FMNL3: variants seen among roughly 807,000 people sequenced by gnomAD.
FMNL3 encodes formin like 3.
In FMNL3, 57 loss-of-function variants were observed where a neutral mutation model predicts 119.6. The ratio of observed to expected loss-of-function variants is 0.48; its 90% CI spans 0.39 to 0.59. The LOEUF is 0.59. FMNL3 is among the 20% of genes least tolerant of loss of function. The pLI is 0.00. For synonymous variants in FMNL3, 491 were observed against 507.3 expected (o/e 0.97, Z 0.43); for missense variants, 1,053 against 1,323.5 (o/e 0.80, Z 3.17).
Position 49,640,210 on chromosome 12 carries a change from G to A in FMNL3, c.*5605C>T, listed in dbSNP as rs971955805. 6.6e-6 allele frequency: 1 copy of A among 152,336 alleles called. No homozygotes were observed. The highest frequency in any genetic ancestry group is 2.4e-5 in the African/African-American group (1 of 41,572). The allele number at this position is 152,336 out of a possible 1,614,324, so 9.4% of individuals were successfully genotyped here. ...GGACTTAGAACAGGCAGACAGATCCGGGTCAGGGAGATCCATGGAGGATGC... is the reference window on the plus strand; with the variant it reads ...GGACTTAGAACAGGCAGACAGATCCAGGTCAGGGAGATCCATGGAGGATGC... On this transcript the variant is annotated 3_prime_UTR_variant, in exon 26 of 26. Coordinates refer to ENST00000335154, the MANE Select transcript of FMNL3 (RefSeq NM_175736.5).
At chr12:49,681,402 G>A (rs746530692) in intron 1 of FMNL3, among the ~76,000 whole-genome samples, 4 of 152,078 alleles carry the variant, frequency 2.6e-5, no homozygotes, top group Non-Finnish European at 2.9e-5. Context: ...AAGGTTTCAC[G>A]GTGGTCTTGA....
chr12:49,665,228 G>GA (rs201793585), intron 4 of FMNL3, among the ~76,000 whole-genome samples: 3,289 of 137,828 alleles, frequency 0.024, 116 homozygotes, highest in African/African-American at 0.08. Flanking sequence ...TCAGGGACTG[G>GA]AAAAAAAAAA....
In FMNL3 at chr12:49,640,897, G is replaced by A. The variant is rs1218579943; in HGVS notation, c.*4918C>T. On this transcript the variant is annotated 3_prime_UTR_variant, in exon 26 of 26. Transcript: ENST00000335154. The stretch of plus-strand genomic sequence containing the variant: ...AGGAGCCAGTAACAAGGGTGACTTG[G>A]AGCTTTCAATTCCCTGAGAATGAAT... 1.3e-5 allele frequency: 2 copies of A among 152,206 alleles called. No individual in the cohort carries two copies. Among genetic ancestry groups the A allele is most frequent in the South Asian group, 2.1e-4 (1 of 4,832 alleles). The allele number at this position is 152,206 out of a possible 1,614,324, so 9.4% of individuals were successfully genotyped here.
intron 4 of FMNL3, 61 bp from the exon 5 acceptor site, chr12:49,662,110 G>C: frequency 6.7e-7 from 1 of 1,498,388 alleles, no homozygotes; most frequent in Non-Finnish European, 9.3e-7. Context: ...GATGAGGGGG[G>C]TGACATGCCT....
At chr12:49,658,185 AGGG>A (rs1262299703) in intron 6 of FMNL3, among the ~76,000 whole-genome samples, 2 of 152,100 alleles carry the variant, frequency 1.3e-5, no homozygotes, top group African/African-American at 4.8e-5. Flanking sequence ...TCCCCCAGAG[AGGG>A]GTGAGGAATG....
At chr12:49,646,823 G>T (rs1338202185) in intron 25 of FMNL3, 63 bp downstream of exon 25, 1 of 1,608,172 alleles carries the variant, frequency 6.2e-7, no homozygotes, top group Non-Finnish European at 8.5e-7. Flanking sequence ...GCCCAAAGGG[G>T]TTAGGTTGAG....
chr12:49,667,808 T>C (rs1943932717), intron 2 of FMNL3, among the ~76,000 whole-genome samples: 1 of 152,196 alleles, frequency 6.6e-6, no homozygotes, highest in African/African-American at 2.4e-5. Context: ...CACTGCCAGA[T>C]ACTTCCATCT....
rs570783662 is a variant in FMNL3 at position 49,637,072 on chromosome 12, C to T, written c.*8743G>A. ...ACTAGATGTATGCACCACCCAGAAA[C>T]TGCCAGTAGAGAGCACCCTACAGGC... On this transcript the variant is annotated 3_prime_UTR_variant, in exon 26 of 26. Transcript: ENST00000335154. 3 of 686,916 alleles carry T rather than the reference C, an allele frequency of 4.4e-6. No homozygotes were observed. The South Asian group carries it at 5.9e-5, about 13-fold the overall frequency. 42.6% of individuals were successfully genotyped at this position (686,916 alleles called of 1,614,324 possible).
intron 1 of FMNL3, among the ~76,000 whole-genome samples, chr12:49,701,867 G>C (rs1334587737): frequency 6.6e-6 from 1 of 152,184 alleles, no homozygotes; most frequent in Non-Finnish European, 1.5e-5. Flanking sequence ...AGGTTGCAGT[G>C]AGCAGAGATT....
chr12:49,656,961 CTCCTTGACCGTAGG>C, intron 7 of FMNL3, 62 bp from the exon 8 acceptor site: 1 of 1,544,930 alleles, frequency 6.5e-7, no homozygotes, highest in Non-Finnish European at 8.9e-7. Context: ...CCCAGCCAAT[CTCCTTGACCGTAGG>C]CCCACCAGCA....
rs1028654598 is a variant in FMNL3, at chr12:49,665,913, A to G, written c.292-5T>C. The G allele has an allele frequency of 1.2e-6, 2 of 1,613,908 alleles. No individual in the cohort carries two copies. Among genetic ancestry groups the G allele is most frequent in the South Asian group, 1.1e-5 (1 of 91,076 alleles). On this transcript the variant is annotated splice_region_variant and splice_polypyrimidine_tract_variant and intron_variant, in intron 3 of 25. Coordinates refer to ENST00000335154, the MANE Select transcript of FMNL3 (RefSeq NM_175736.5). ...CTGCACCCTCCTCCTGAACTTCTGT[A>G]AAAAGGGTAGGAAAGGAAGGGAATA...
At chr12:49,675,508 A>G (rs1214448635) in intron 1 of FMNL3, among the ~76,000 whole-genome samples, 2 of 152,180 alleles carry the variant, frequency 1.3e-5, no homozygotes, top group African/African-American at 2.4e-5. Context: ...GCTACCTCTC[A>G]GAGGACACAA....
At chr12:49,665,738 A>G (rs1943872464) in intron 4 of FMNL3, 94 bp downstream of exon 4, 2 of 1,320,394 alleles carry the variant, frequency 1.5e-6, no homozygotes, top group East Asian at 2.3e-5. Context: ...AGGGAAGATG[A>G]ACAGGAACAC....
chr12:49,669,196 A>G (rs1350110397), intron 1 of FMNL3, among the ~76,000 whole-genome samples: 1 of 152,240 alleles, frequency 6.6e-6, no homozygotes, highest in African/African-American at 2.4e-5. Flanking sequence ...AAGAATTTTT[A>G]GGCAAAAATT....
At chr12:49,701,078 C>CAAA (rs61171112) in intron 1 of FMNL3, among the ~76,000 whole-genome samples, 1 of 75,982 alleles carries the variant, frequency 1.3e-5, no homozygotes, top group Admixed American at 1.5e-4. Context: ...GACTCCATCT[C>CAAA]AAAAAAAAAA....
chr12:49,687,903 C>T (rs1944508401), intron 1 of FMNL3, among the ~76,000 whole-genome samples: 1 of 152,112 alleles, frequency 6.6e-6, no homozygotes, highest in Non-Finnish European at 1.5e-5. Context: ...CACTCCCAGG[C>T]CCACAAACCC....
Position 49,637,763 on chromosome 12 carries a change from A to G in FMNL3, c.*8052T>C, listed in dbSNP as rs201538338. On this transcript the variant is annotated 3_prime_UTR_variant, in exon 26 of 26. Transcript: ENST00000335154. ...ACCCCTCTGGACTTATTCAAGTTCT[A>G]TGTGGAGGAGTTGAAGGCACGATTC... 1.6e-5 allele frequency: 25 copies of G among 1,603,982 alleles called. No individual in the cohort carries two copies. The highest frequency in any genetic ancestry group is 2.2e-5 in the South Asian group (2 of 90,798).
intron 1 of FMNL3, among the ~76,000 whole-genome samples, chr12:49,677,580 GT>G (rs1204921936): frequency 6.6e-6 from 1 of 152,168 alleles, no homozygotes; most frequent in African/African-American, 2.4e-5. Context: ...TGCTACCTAT[GT>G]TTTTTCAGTT....
intron 16 of FMNL3, 65 bp from the exon 17 acceptor site, chr12:49,650,943 C>T (rs1347409531): frequency 6.4e-7 from 1 of 1,574,098 alleles, no homozygotes; most frequent in Admixed American, 1.7e-5. Flanking sequence ...CTCATGACAG[C>T]CCACCCAGCA....
Sources: allele counts gnomAD v4.1 joint callset (sites outside exome capture counted in the v4.1 genomes callset), GRCh38; gene constraint gnomAD v4.1.1; transcripts MANE v1.5; gene names NCBI Gene and HGNC (gene_info 2026-07-23, HGNC 2026-07-21).